The following HDAC4 variants were observed in gnomAD, a reference collection of about 807,000 sequenced individuals.
The protein encoded by HDAC4 is histone deacetylase A.
HDAC4 carries 16 observed loss-of-function variants against 135.1 expected under a neutral mutation model. That is an observed-to-expected ratio of 0.12 (90% CI 0.08 to 0.18). The LOEUF is 0.18. Ranked by LOEUF, HDAC4 falls within the 10% of genes least tolerant of loss-of-function variation. The pLI, the probability that HDAC4 is intolerant of heterozygous loss-of-function variation, is 1.00. For synonymous variants in HDAC4, 685 were observed against 653.4 expected (o/e 1.05, Z -0.74); for missense variants, 1,143 against 1,511.8 (o/e 0.76, Z 4.05).
intron 22 of HDAC4, among the ~76,000 whole-genome samples, chr2:239,069,315 G>A (rs1243842709): frequency 4.5e-5 from 2 of 44,240 alleles, no homozygotes; most frequent in African/African-American, 9.2e-5. Flanking sequence ...AGGGAGTCAC[G>A]GTGCAAGCCA....
chr2:239,111,890 G>C lies in HDAC4; in HGVS notation c.1792-178C>G, dbSNP rs116044767. On this transcript the variant is annotated intron_variant, in intron 13 of 26. Coordinates refer to ENST00000543185, the MANE Select transcript of HDAC4 (RefSeq NM_001378414.1). ...CTTCCCTGTGAGTGCCCTGAAGCCT[G>C]AGTGGGCCCAGAGCCAAGAACGAGG... Among the ~76,000 whole-genome samples the C allele has an allele frequency of 5.0e-3, 759 of 152,340 alleles. 4 individuals carry two copies. Among genetic ancestry groups the C allele is most frequent in the African/African-American group, 0.018 (729 of 41,582 alleles).
chr2:239,101,485 A>G (rs897067806), intron 16 of HDAC4, among the ~76,000 whole-genome samples: 2 of 152,106 alleles, frequency 1.3e-5, no homozygotes, highest in African/African-American at 4.8e-5. Flanking sequence ...GTGCCCTGCC[A>G]AATGCAGTCA....
chr2:239,057,213 G>T (rs2031988903), intron 24 of HDAC4, among the ~76,000 whole-genome samples: 1 of 152,132 alleles, frequency 6.6e-6, no homozygotes, highest in South Asian at 2.1e-4. Context: ...CAATGTTTCT[G>T]TAAATCTCAG....
At chr2:239,237,084 G>A (rs1416821839) in intron 2 of HDAC4, among the ~76,000 whole-genome samples, 2 of 152,142 alleles carry the variant, frequency 1.3e-5, no homozygotes, top group South Asian at 2.1e-4. Flanking sequence ...GGGAGCCCTC[G>A]GAACCCGCCA....
intron 13 of HDAC4, among the ~76,000 whole-genome samples, chr2:239,113,078 A>AAAAC (rs917681355): frequency 7.2e-5 from 11 of 152,234 alleles, no homozygotes; most frequent in South Asian, 6.2e-4. Flanking sequence ...ACAAACAAAC[A>AAAAC]AAACAAACAA....
chr2:239,311,097 A>T (rs1023346925), intron 2 of HDAC4, among the ~76,000 whole-genome samples: 3 of 152,170 alleles, frequency 2.0e-5, no homozygotes, highest in Non-Finnish European at 4.4e-5. Flanking sequence ...ATTAACAGGC[A>T]CCTAAAAGGC....
At chr2:239,366,229 C>T (rs1478649465) in intron 1 of HDAC4, among the ~76,000 whole-genome samples, 7 of 137,288 alleles carry the variant, frequency 5.1e-5, no homozygotes, top group Admixed American at 2.9e-4. Context: ...GTCAGGGTCA[C>T]GCGTGTGGCA....
intron 2 of HDAC4, among the ~76,000 whole-genome samples, chr2:239,311,702 G>A (rs990088058): frequency 3.3e-5 from 5 of 152,138 alleles, no homozygotes; most frequent in Admixed American, 6.5e-5. Flanking sequence ...TCTGTTCTAC[G>A]CAAACATTAC....
At chr2:239,148,254 TAA>T (rs1185505281) in intron 7 of HDAC4, among the ~76,000 whole-genome samples, 2 of 151,840 alleles carry the variant, frequency 1.3e-5, no homozygotes, top group Non-Finnish European at 2.9e-5. Context: ...GGACAAAAAC[TAA>T]AGTGCAGAAG....
chr2:239,327,310 GC>G (rs947075578), intron 2 of HDAC4, among the ~76,000 whole-genome samples: 2 of 152,178 alleles, frequency 1.3e-5, no homozygotes, highest in African/African-American at 2.4e-5. Flanking sequence ...GCAAGCCGGG[GC>G]CCGATGAACG....
intron 15 of HDAC4, among the ~76,000 whole-genome samples, chr2:239,103,173 C>T (rs1193673727): frequency 3.3e-5 from 5 of 152,208 alleles, no homozygotes; most frequent in African/African-American, 4.8e-5. Flanking sequence ...CCTTCACTGT[C>T]GCACGAATGA....
rs189390261 is a variant in HDAC4 at position 239,089,622 on chromosome 2, C to T, written c.2388+387G>A. The T allele has an allele frequency of 2.0e-3, 364 of 183,928 alleles. 2 individuals carry two copies. Among genetic ancestry groups the T allele is most frequent in the African/African-American group, 8.1e-3 (341 of 42,042 alleles). 11.4% of individuals were successfully genotyped at this position (183,928 alleles called of 1,614,324 possible). A position where few individuals can be genotyped will look rare whatever the true frequency, so the allele number is the denominator to read the frequency against. ...GATTACAGGTGTGAGCCACTGTGCC[C>T]GGTCGCTATTTTTAAATTAATAAAC... On this transcript the variant is annotated intron_variant, in intron 18 of 26. Transcript: ENST00000543185.
chr2:239,124,587 C>T lies in HDAC4; in HGVS notation c.1533+1869G>A, dbSNP rs534208757. 5.1e-4 allele frequency among the ~76,000 whole-genome samples: 67 copies of T among 131,804 alleles called. 1 individual carries two copies. Among genetic ancestry groups the T allele is most frequent in the African/African-American group, 2.5e-3 (58 of 23,662 alleles). The allele number at this position is 131,804 out of a possible 152,430, so 86.5% of individuals were successfully genotyped here. A position where few individuals can be genotyped will look rare whatever the true frequency, so the allele number is the denominator to read the frequency against. On this transcript the variant is annotated intron_variant, in intron 12 of 26. Transcript: ENST00000543185. ...ACATTCCAGTGTGCCGGCATGTGGC[C>T]GCACGTCATTCCACGTTATATGACA...
At position 239,115,298 on chromosome 2, in the gene HDAC4, G is replaced by T; in HGVS notation, c.1546C>A (p.Pro516Thr). The T allele has an allele frequency of 6.2e-7, 1 of 1,613,230 alleles. No individual in the cohort carries two copies. Among genetic ancestry groups the T allele is most frequent in the Non-Finnish European group, 8.5e-7 (1 of 1,180,010 alleles). Residue 516 changes from proline to threonine, a missense_variant, in exon 13 of 27, where the codon CCA becomes ACA. Coordinates refer to ENST00000543185, the MANE Select transcript of HDAC4 (RefSeq NM_001378414.1). The surrounding 1 kb of genome is among the most constrained non-coding windows in gnomAD (Gnocchi z 6.3). ...TCCGGCTGCCGGGCTGGCTCGCTTG[G>T]CTTGGGGATGATCTGCAAGGCGGAG... ...QLQMNKIIPKPSEPARQPESH... is the reference protein window; with the variant it reads ...QLQMNKIIPKTSEPARQPESH...
At chr2:239,276,164 G>A (rs990254662) in intron 2 of HDAC4, among the ~76,000 whole-genome samples, 2 of 152,220 alleles carry the variant, frequency 1.3e-5, no homozygotes, top group African/African-American at 4.8e-5. Context: ...CACTCTGGTG[G>A]CAACGCAGAG....
At chr2:239,361,531 C>T (rs1177512934) in intron 1 of HDAC4, among the ~76,000 whole-genome samples, 2 of 152,194 alleles carry the variant, frequency 1.3e-5, no homozygotes, top group Non-Finnish European at 2.9e-5. Context: ...CTTCACATTC[C>T]CTCATGAAGA....
rs773655467 is a variant in HDAC4, at chr2:239,115,254, C to T, written c.1590G>A (p.Thr530=). The T allele has an allele frequency of 1.9e-5, 30 of 1,613,028 alleles. No individual in the cohort carries two copies. The highest frequency in any genetic ancestry group is 6.7e-5 in the Admixed American group (4 of 60,010). The stretch of plus-strand genomic sequence containing the variant: ...CCTGGTGCTCACGGAGCTCCTCCTC[C>T]GTCTCCTCCGGGTGGCTCTCCGGCT... The part of the protein sequence containing the change: ...ARQPESHPEE[T]EEELREHQAL... Residue 530 remains threonine (T), a synonymous_variant, in exon 13 of 27, where the codon ACG becomes ACA. Transcript: ENST00000543185. The surrounding 1 kb of genome is among the most constrained non-coding windows in gnomAD (Gnocchi z 6.3).
At chr2:239,283,521 G>GACCACACCTGGGCGTTTCC (rs1312224585) in intron 2 of HDAC4, among the ~76,000 whole-genome samples, 1 of 152,262 alleles carries the variant, frequency 6.6e-6, no homozygotes, top group Non-Finnish European at 1.5e-5. Context: ...GAAGGGGCCT[G>GACCACACCTGGGCGTTTCC]ACCACACCTG....
intron 18 of HDAC4, among the ~76,000 whole-genome samples, chr2:239,089,379 A>C (rs538260156): frequency 1.3e-5 from 2 of 152,162 alleles, no homozygotes; most frequent in East Asian, 3.9e-4. Flanking sequence ...CCCAGGCTGG[A>C]GTGCAATGGC....
Sources: gnomAD v4.1 joint callset for allele counts (sites outside exome capture counted in the v4.1 genomes callset) on GRCh38, gnomAD v4.1.1 for gene constraint, Gnocchi (gnomAD v3.1) non-coding constraint, MANE v1.5 for transcripts, NCBI Gene and HGNC (gene_info 2026-07-23, HGNC 2026-07-21) for gene names.